The following ZNF385D variants were observed in gnomAD, a reference collection of about 807,000 sequenced individuals.
ZNF385D encodes the protein zinc finger protein 385D, also known as zinc finger protein 659.
In ZNF385D, 15 loss-of-function variants were observed where a neutral mutation model predicts 35.8. That is an observed-to-expected ratio of 0.42 (90% confidence interval 0.28 to 0.64). The LOEUF is 0.64. Among genes scored for constraint, ZNF385D ranks in the 30% least tolerant of loss-of-function variants. The pLI is 0.23. For missense variants in ZNF385D, 474 were observed against 494.6 expected, an observed-to-expected ratio of 0.96 and a Z score of 0.39; for synonymous variants, 212 against 186.8, an observed-to-expected ratio of 1.13 and a Z score of -1.10.
chr3:21,456,532 A>C (rs1702822199), intron 4 of ZNF385D, among the ~76,000 whole-genome samples: 1 of 152,174 alleles, frequency 6.6e-6, no homozygotes, highest in Non-Finnish European at 1.5e-5. Context: ...TGGGAATTGA[A>C]CAATGAGAAC....
At chr3:22,005,385 T>A (rs766406149) in intron 3 of ZNF385D, among the ~76,000 whole-genome samples, 1 of 152,022 alleles carries the variant, frequency 6.6e-6, no homozygotes, top group Non-Finnish European at 1.5e-5. Flanking sequence ...TGGAGTTTTC[T>A]CAAAAAACTA....
chr3:22,362,285 ATTTTTT>A (rs377512433), intron 2 of ZNF385D, among the ~76,000 whole-genome samples: 1 of 151,246 alleles, frequency 6.6e-6, no homozygotes, highest in African/African-American at 2.4e-5. Flanking sequence ...ACTTGCATTG[ATTTTTT>A]TTTATTTATG....
At chr3:22,311,387 A>G (rs1037340975) in intron 2 of ZNF385D, among the ~76,000 whole-genome samples, 13 of 152,060 alleles carry the variant, frequency 8.5e-5, no homozygotes, top group African/African-American at 2.9e-4. Flanking sequence ...TTTTTGGGTT[A>G]ATATTTCCAG....
intron 3 of ZNF385D, chr3:21,942,443 T>C (rs560862925): frequency 6.6e-6 from 1 of 152,308 alleles, no homozygotes; most frequent in African/African-American, 2.4e-5. Context: ...TAATGCATTG[T>C]TTAGAAACTT....
At chr3:21,604,569 CACAG>C (rs1433365605) in intron 2 of ZNF385D, among the ~76,000 whole-genome samples, 1 of 152,074 alleles carries the variant, frequency 6.6e-6, no homozygotes, top group Admixed American at 6.6e-5. Context: ...TTCCAGAGGC[CACAG>C]ACAAAGGCTG....
intron 4 of ZNF385D, among the ~76,000 whole-genome samples, chr3:21,501,023 C>A (rs931793530): frequency 6.6e-6 from 1 of 152,090 alleles, no homozygotes; most frequent in African/African-American, 2.4e-5. Context: ...CACTGCACCC[C>A]GCATTTGCAT....
intron 3 of ZNF385D, among the ~76,000 whole-genome samples, chr3:22,005,600 A>T (rs530823117): frequency 1.6e-4 from 25 of 152,150 alleles, no homozygotes; most frequent in Non-Finnish European, 3.4e-4. Context: ...CATGTATCCC[A>T]TAAGTATGTA....
intron 2 of ZNF385D, among the ~76,000 whole-genome samples, chr3:22,171,879 A>C (rs1437860135): frequency 8.9e-5 from 4 of 44,840 alleles, no homozygotes; most frequent in African/African-American, 1.7e-4. Context: ...TCGGTCTCAA[A>C]AAAAAAAAAA....
intron 4 of ZNF385D, among the ~76,000 whole-genome samples, chr3:21,445,034 C>T (rs1012828898): frequency 4.6e-5 from 7 of 152,178 alleles, no homozygotes; most frequent in Admixed American, 2.6e-4. Flanking sequence ...TCCTGAAGCA[C>T]AGAGTCTTGA....
intron 3 of ZNF385D, among the ~76,000 whole-genome samples, chr3:21,955,409 T>C (rs1576002150): frequency 6.6e-6 from 1 of 152,074 alleles, no homozygotes; most frequent in Non-Finnish European, 1.5e-5. Context: ...GGTTCTCTTG[T>C]CTCCAATGTT....
chr3:21,530,081 G>A (rs370569734), intron 3 of ZNF385D, among the ~76,000 whole-genome samples: 2 of 152,054 alleles, frequency 1.3e-5, no homozygotes, highest in African/African-American at 4.8e-5. Context: ...GTTTAAAGGA[G>A]GCTGGCACCT....
chr3:21,685,165 C>G (rs1424080170), intron 1 of ZNF385D, among the ~76,000 whole-genome samples: 5 of 152,134 alleles, frequency 3.3e-5, no homozygotes, highest in Non-Finnish European at 7.4e-5. Flanking sequence ...AATTTCCTTT[C>G]TATTTTGTCT....
intron 3 of ZNF385D, among the ~76,000 whole-genome samples, chr3:21,775,868 T>C (rs912988599): frequency 2.6e-5 from 4 of 151,730 alleles, no homozygotes; most frequent in Admixed American, 2.0e-4. Flanking sequence ...AATTAAGACA[T>C]GCTCTTTTTT....
intron 3 of ZNF385D, among the ~76,000 whole-genome samples, chr3:21,825,038 T>C (rs1269970378): frequency 6.6e-6 from 1 of 152,260 alleles, no homozygotes; most frequent in Non-Finnish European, 1.5e-5. Flanking sequence ...CATTTAAATA[T>C]TGATCCAGTT....
chr3:22,206,031 T>C (rs530233022), intron 2 of ZNF385D, among the ~76,000 whole-genome samples: 1 of 151,818 alleles, frequency 6.6e-6, no homozygotes, highest in East Asian at 1.9e-4. Flanking sequence ...AAATGGTTTA[T>C]AGAAACACAC....
intron 3 of ZNF385D, among the ~76,000 whole-genome samples, chr3:22,163,375 A>C (rs545497280): frequency 6.6e-6 from 1 of 152,348 alleles, no homozygotes; most frequent in Admixed American, 6.5e-5. Context: ...AACTGCAGGA[A>C]CAATAGCCCC....
intron 5 of ZNF385D, among the ~76,000 whole-genome samples, chr3:21,433,752 C>A (rs79381650): frequency 6.6e-6 from 1 of 152,048 alleles, no homozygotes; most frequent in African/African-American, 2.4e-5. Context: ...ATAACATCAG[C>A]GATAAAGGAC....
chr3:21,628,225 A>G (rs971018211), intron 2 of ZNF385D, among the ~76,000 whole-genome samples: 7 of 152,224 alleles, frequency 4.6e-5, no homozygotes, highest in Admixed American at 2.0e-4. Context: ...TCACTCTGAC[A>G]CCATGGGCTT....
intron 3 of ZNF385D, among the ~76,000 whole-genome samples, chr3:22,118,654 A>G (rs1346259864): frequency 1.3e-5 from 2 of 152,080 alleles, no homozygotes; most frequent in African/African-American, 2.4e-5. Flanking sequence ...TTGGTGTGGA[A>G]GAACAGCCTC....
Sources: allele counts gnomAD v4.1 joint callset (sites outside exome capture counted in the v4.1 genomes callset), GRCh38; gene constraint gnomAD v4.1.1; transcripts MANE v1.5; gene names NCBI Gene and HGNC (gene_info 2026-07-23, HGNC 2026-07-21).